Variants in KCNT1 observed in about 807,000 individuals in gnomAD.
KCNT1 encodes potassium channel subfamily T member 1.
In KCNT1, 78 loss-of-function variants were observed where a neutral mutation model predicts 147.8. The ratio of observed to expected loss-of-function variants is 0.53; its 90% CI spans 0.44 to 0.64. The LOEUF is 0.64. Ranked by LOEUF, KCNT1 falls within the 30% of genes least tolerant of loss-of-function variation. The probability of loss-of-function intolerance (pLI) is 0.00; values close to 1 mark genes in which losing one functional copy is unlikely to be tolerated. For missense variants in KCNT1, 1,419 were observed against 1,750.3 expected (o/e 0.81, Z 3.38); for synonymous variants, 867 against 748.8 (o/e 1.16, Z -2.58).
At chr9:135,736,587 C>G (rs978088598) in intron 2 of KCNT1, 1 of 149,218 alleles carries the variant, frequency 6.7e-6, no homozygotes, top group South Asian at 1.8e-4. Context: ...GGCGCCGCCC[C>G]CGCTGCCCGC....
chr9:135,757,005 C>T (rs1294116987), intron 7 of KCNT1, 73 bp downstream of exon 7: 2 of 830,484 alleles, frequency 2.4e-6, no homozygotes, highest in Non-Finnish European at 3.7e-6. Context: ...TCCCCCACCT[C>T]CCCCACCCTC....
In KCNT1 at chr9:135,778,502, C is replaced by T. The variant is rs545094921; in HGVS notation, c.2594+7C>T. Reference sequence around the variant, plus strand: ...TGGAGGGCTCTGTGGACAAGTAAGGCGTGGCCGGCCGAGGCTCGTGGGGGC... The same window carrying T: ...TGGAGGGCTCTGTGGACAAGTAAGGTGTGGCCGGCCGAGGCTCGTGGGGGC... On this transcript the variant is annotated splice_region_variant and intron_variant, in intron 22 of 30. Coordinates refer to ENST00000371757, the MANE Select transcript of KCNT1 (RefSeq NM_020822.3). 1.0e-4 allele frequency: 165 copies of T among 1,577,490 alleles called. No individual in the cohort carries two copies. Among genetic ancestry groups the T allele is most frequent in the South Asian group, 6.0e-4 (52 of 87,168 alleles).
In KCNT1 at chr9:135,769,040, A is replaced by C. The variant is rs1159456826; in HGVS notation, c.1510+103A>C. 9.8e-6 allele frequency: 8 copies of C among 814,978 alleles called. No individual in the cohort carries two copies. The Admixed American group carries it at 2.1e-4, about 21-fold the overall frequency. The allele number at this position is 814,978 out of a possible 1,614,324, so 50.5% of individuals were successfully genotyped here. The stretch of plus-strand genomic sequence containing the variant: ...GGCAGGGCGCATGTGCACATGTGTG[A>C]CGGTGCGTCTGGGGCAGGACGCGTG... On this transcript the variant is annotated intron_variant, in intron 15 of 30. Transcript: ENST00000371757.
chr9:135,750,030 C>T, intron 2 of KCNT1, 68 bp from the exon 3 acceptor site: 5 of 1,292,772 alleles, frequency 3.9e-6, no homozygotes, highest in South Asian at 2.4e-5. Flanking sequence ...CAGGTTGGGG[C>T]TCCCGGCGTG....
At position 135,716,223 on chromosome 9, in the gene KCNT1, C is replaced by G. The variant is rs562107887; in HGVS notation, c.254+1503C>G. Among the ~76,000 whole-genome samples, 3 of 152,318 alleles carry G rather than the reference C, an allele frequency of 2.0e-5. No homozygotes were observed. The South Asian group carries it at 6.2e-4, about 32-fold the overall frequency. On this transcript the variant is annotated intron_variant, in intron 2 of 30. Coordinates refer to ENST00000371757, the MANE Select transcript of KCNT1 (RefSeq NM_020822.3). Reference sequence around the variant, plus strand: ...AAACGGCAGCCCTGGGAGATCCTTCCGATATTGGGCAGGAAGTGGTGTCCA... The same window carrying G: ...AAACGGCAGCCCTGGGAGATCCTTCGGATATTGGGCAGGAAGTGGTGTCCA...
rs755213812 is a variant in KCNT1 at position 135,778,762 on chromosome 9, G to T, written c.2669G>T (p.Ser890Ile). 1 of 1,613,914 alleles carries T rather than the reference G, an allele frequency of 6.2e-7. No homozygotes were observed. The highest frequency in any genetic ancestry group is 8.5e-7 in the Non-Finnish European group (1 of 1,179,918). The change falls in exon 23 of 31, where the codon AGC (serine) becomes ATC (isoleucine). Residue 890 changes from serine (S) to isoleucine (I), a missense_variant. By Grantham distance (142) the Ser-to-Ile change is moderately radical (BLOSUM62 -2). This residue lies in a region of KCNT1 where 247 missense variants were observed against 397.1 expected (regional missense o/e 0.62). Transcript: ENST00000371757. ...LVVVDKESTM[S>I]AEEDYMADAK... is the part of the protein sequence containing the mutation. ...GTGGTGGACAAGGAGAGCACCATGA[G>T]CGCCGAGGAGGACTACATGGCGGAC...
chr9:135,759,529 C>A, intron 10 of KCNT1, 150 bp from the exon 11 acceptor site: 1 of 739,278 alleles, frequency 1.4e-6, no homozygotes, highest in Non-Finnish European at 2.0e-6. Context: ...GGCCTGATGC[C>A]ACCCAGCTGT....
intron 1 of KCNT1, among the ~76,000 whole-genome samples, chr9:135,708,337 G>A (rs1364003021): frequency 2.0e-5 from 3 of 152,116 alleles, no homozygotes; most frequent in Non-Finnish European, 2.9e-5. Flanking sequence ...GCACATATTC[G>A]TACACATGCC....
At chr9:135,777,552 C>CT (rs1453318498) in intron 21 of KCNT1, 42 bp downstream of exon 21, 1 of 1,578,850 alleles carries the variant, frequency 6.3e-7, no homozygotes, top group South Asian at 1.2e-5. Context: ...CACCCGGGCC[C>CT]TCAGACCTGC....
At chr9:135,733,350 C>A (rs35382763) in intron 2 of KCNT1, among the ~76,000 whole-genome samples, 3,097 of 76,632 alleles carry the variant, frequency 0.04, 115 homozygotes, top group South Asian at 0.055. Context: ...GCCCTCACAC[C>A]TGCCCCCACA....
At chr9:135,704,907 CAGGGGT>C (rs1468841121) in intron 1 of KCNT1, among the ~76,000 whole-genome samples, 1 of 152,228 alleles carries the variant, frequency 6.6e-6, no homozygotes, top group Non-Finnish European at 1.5e-5. Flanking sequence ...ACAGGGAACT[CAGGGGT>C]CTGCTGTGGC....
intron 15 of KCNT1, 50 bp downstream of exon 15, chr9:135,768,987 G>A: frequency 7.1e-7 from 1 of 1,405,294 alleles, no homozygotes; most frequent in Non-Finnish European, 9.9e-7. Flanking sequence ...CAGGGCACGT[G>A]TGCACACGTG....
rs1331320043 is a variant in KCNT1, at chr9:135,784,567, C to T, written c.2976C>T (p.Thr992=). Reference sequence around the variant, plus strand: ...TGAAGGACTACATGATCACCATCACCCGGCTGCTGCTGGGCCTGGACACCA... The same window carrying T: ...TGAAGGACTACATGATCACCATCACTCGGCTGCTGCTGGGCCTGGACACCA... ...SFVKDYMITI[T]RLLLGLDTTP... Residue 992 remains threonine, a synonymous_variant, in exon 26 of 31, where the codon ACC becomes ACT. Transcript: ENST00000371757. 7 of 1,523,674 alleles carry T rather than the reference C, an allele frequency of 4.6e-6. No individual in the cohort carries two copies. The highest frequency in any genetic ancestry group is 4.4e-6 in the Non-Finnish European group (5 of 1,126,642). 94.4% of individuals were successfully genotyped at this position (1,523,674 alleles called of 1,614,324 possible).
At position 135,730,086 on chromosome 9, in the gene KCNT1, T is replaced by C. The variant is rs1564326434; in HGVS notation, c.254+15366T>C. On this transcript the variant is annotated intron_variant, in intron 2 of 30. Coordinates refer to ENST00000371757, the MANE Select transcript of KCNT1 (RefSeq NM_020822.3). This position sits in a 1 kb window ranked among gnomAD's most constrained non-coding sequence, Gnocchi z 4.7. ...ATTCTCCTCTGCACTGTGCTGATCC[T>C]TCATCCATGGGAGCTGTGCACCCCC... 1.3e-5 allele frequency among the ~76,000 whole-genome samples: 2 copies of C among 152,210 alleles called. No individual in the cohort carries two copies. Among genetic ancestry groups the C allele is most frequent in the Non-Finnish European group, 2.9e-5 (2 of 68,036 alleles).
chr9:135,739,625 A>C (rs1003070985), intron 2 of KCNT1, among the ~76,000 whole-genome samples: 1 of 151,976 alleles, frequency 6.6e-6, no homozygotes, highest in Non-Finnish European at 1.5e-5. Flanking sequence ...CCTGGGCCTG[A>C]AGCCCCCCTT....
In KCNT1 at chr9:135,794,924, G is replaced by C. The variant is rs770301869; in HGVS notation, c.*2763G>C. On this transcript the variant is annotated 3_prime_UTR_variant, in exon 31 of 31. Coordinates refer to ENST00000371757, the MANE Select transcript of KCNT1 (RefSeq NM_020822.3). ...CTCGTGTCCTGCTGACCCATAAAAG[G>C]TCCCCCTGCAAAGTACACCAAGTGA... The C allele has an allele frequency of 1.3e-5, 2 of 152,124 alleles. No individual in the cohort carries two copies. Among genetic ancestry groups the C allele is most frequent in the African/African-American group, 2.4e-5 (1 of 41,410 alleles). The allele number at this position is 152,124 out of a possible 1,614,324, so 9.4% of individuals were successfully genotyped here.
chr9:135,708,310 C>G (rs1257963704), intron 1 of KCNT1, among the ~76,000 whole-genome samples: 1 of 152,240 alleles, frequency 6.6e-6, no homozygotes, highest in Non-Finnish European at 1.5e-5. Flanking sequence ...TGCATGCAAT[C>G]CCATCCACAC....
chr9:135,703,148 G>A (rs1835105300), intron 1 of KCNT1: 2 of 152,614 alleles, frequency 1.3e-5, no homozygotes, highest in South Asian at 2.1e-4. Context: ...CTTGAAAACA[G>A]GCAAGTCTGC....
At chr9:135,732,709 TTTA>T (rs1336991269) in intron 2 of KCNT1, among the ~76,000 whole-genome samples, 1 of 152,114 alleles carries the variant, frequency 6.6e-6, no homozygotes. Context: ...TGGGTTTTGT[TTTA>T]TTGTTGGCCG....
Sources: allele counts gnomAD v4.1 joint callset (sites outside exome capture counted in the v4.1 genomes callset), GRCh38; gene constraint gnomAD v4.1.1; regional missense constraint gnomAD v4.1.1; non-coding constraint Gnocchi (gnomAD v3.1); transcripts MANE v1.5; gene names NCBI Gene and HGNC (gene_info 2026-07-23, HGNC 2026-07-21).